Variants in SORCS1 observed in about 807,000 individuals in gnomAD.
SORCS1 encodes sortilin related VPS10 domain containing receptor 1, also known as VPS10 domain-containing receptor SorCS1.
A neutral mutation model predicts 146.1 loss-of-function variants in SORCS1; 60 were observed. The observed-to-expected ratio is 0.41, with a 90% CI of 0.33 to 0.51. The LOEUF (loss-of-function observed/expected upper bound fraction) is 0.51. SORCS1 is among the 20% of genes least tolerant of loss of function. The pLI is 0.21. For synonymous variants in SORCS1, 637 were observed against 584.0 expected (o/e 1.09, Z -1.31); for missense variants, 1,352 against 1,487.6 (o/e 0.91, Z 1.50).
At chr10:106,870,659 C>A (rs192331700) in intron 2 of SORCS1, among the ~76,000 whole-genome samples, 51 of 152,254 alleles carry the variant, frequency 3.3e-4, no homozygotes, top group Non-Finnish European at 6.2e-4. Context: ...AGCTGGACCC[C>A]TTCCTTAGAC....
At chr10:107,161,767 G>A (rs1969722931) in intron 1 of SORCS1, among the ~76,000 whole-genome samples, 3 of 152,030 alleles carry the variant, frequency 2.0e-5, no homozygotes, top group Admixed American at 1.3e-4. Context: ...GTCCAGATAC[G>A]TAGGACTGGC....
Position 106,722,120 on chromosome 10 carries a change from T to TACACACACACACAC in SORCS1, c.1024+7916_1024+7929dup, listed in dbSNP as rs140882766. On this transcript the variant is annotated intron_variant, in intron 6 of 25. Coordinates refer to ENST00000263054, the MANE Select transcript of SORCS1 (RefSeq NM_052918.5). Reference sequence around the variant, plus strand: ...TGGAGAAATATAGCAAATATATAAATACACACACACACACACACACACACA... The same window carrying TACACACACACACAC: ...TGGAGAAATATAGCAAATATATAAATACACACACACACACACACACACACACACACACACACACA... Among the ~76,000 whole-genome samples the TACACACACACACAC allele has an allele frequency of 4.1e-3, 590 of 144,346 alleles. 2 individuals are homozygous for TACACACACACACAC. Among genetic ancestry groups the TACACACACACACAC allele is most frequent in the African/African-American group, 0.012 (452 of 38,838 alleles). 94.7% of individuals were successfully genotyped at this position (144,346 alleles called of 152,430 possible). A position where few individuals can be genotyped will look rare whatever the true frequency, so the allele number is the denominator to read the frequency against.
Position 107,000,468 on chromosome 10 carries a change from G to A in SORCS1, c.559-43888C>T, listed in dbSNP as rs368833219. 1.1e-4 allele frequency among the ~76,000 whole-genome samples: 17 copies of A among 152,000 alleles called. No individual in the cohort carries two copies. The East Asian group carries it at 2.9e-3, about 26-fold the overall frequency. On this transcript the variant is annotated intron_variant, in intron 1 of 25. Coordinates refer to ENST00000263054, the MANE Select transcript of SORCS1 (RefSeq NM_052918.5). ...AAAAAAAAAAAAAAATTATCTGGGC[G>A]TGGTGGCACGCGCCTGTAGTCCCAG...
intron 1 of SORCS1, among the ~76,000 whole-genome samples, chr10:107,056,411 G>A (rs1305525471): frequency 6.6e-6 from 1 of 152,190 alleles, no homozygotes; most frequent in Non-Finnish European, 1.5e-5. Flanking sequence ...CCATGTGCAA[G>A]ACATAGATAT....
At chr10:107,011,633 T>C (rs1564923618) in intron 1 of SORCS1, among the ~76,000 whole-genome samples, 1 of 152,220 alleles carries the variant, frequency 6.6e-6, no homozygotes, top group Non-Finnish European at 1.5e-5. Context: ...AGTTACCTCT[T>C]GCAAAACTGG....
At chr10:106,941,941 G>A (rs994189600) in intron 2 of SORCS1, among the ~76,000 whole-genome samples, 3 of 152,164 alleles carry the variant, frequency 2.0e-5, no homozygotes, top group Non-Finnish European at 4.4e-5. Flanking sequence ...GGAGAAGGCT[G>A]CTTAGTGTTC....
At chr10:106,730,396 G>C (rs1856510995) in intron 5 of SORCS1, among the ~76,000 whole-genome samples, 1 of 152,194 alleles carries the variant, frequency 6.6e-6, no homozygotes, top group Non-Finnish European at 1.5e-5. Flanking sequence ...CGCATGTTGG[G>C]TGTGTACTCT....
chr10:106,844,647 T>C (rs935275985), intron 2 of SORCS1, among the ~76,000 whole-genome samples: 19 of 150,800 alleles, frequency 1.3e-4, no homozygotes, highest in South Asian at 6.4e-4. Context: ...TAGTTACATA[T>C]GTATACATGT....
At chr10:107,103,288 C>T (rs1200544699) in intron 1 of SORCS1, among the ~76,000 whole-genome samples, 3 of 152,216 alleles carry the variant, frequency 2.0e-5, no homozygotes, top group African/African-American at 7.2e-5. Flanking sequence ...AGAAGCCACG[C>T]TAACCCAGCC....
At chr10:107,053,281 G>A (rs1044641773) in intron 1 of SORCS1, among the ~76,000 whole-genome samples, 1 of 151,970 alleles carries the variant, frequency 6.6e-6, no homozygotes, top group Non-Finnish European at 1.5e-5. Context: ...ATACCTCCGG[G>A]GAAATCCACT....
At chr10:106,744,511 G>C (rs1857580762) in intron 5 of SORCS1, among the ~76,000 whole-genome samples, 1 of 152,138 alleles carries the variant, frequency 6.6e-6, no homozygotes, top group East Asian at 1.9e-4. Context: ...TGTTATAAGA[G>C]GAGATATTGT....
intron 10 of SORCS1, among the ~76,000 whole-genome samples, chr10:106,685,248 C>A (rs821939): frequency 3.3e-5 from 5 of 151,948 alleles, no homozygotes; most frequent in African/African-American, 9.7e-5. Flanking sequence ...GGAGTGCACA[C>A]TCCCAACGTG....
At chr10:106,731,645 T>C (rs991842969) in intron 5 of SORCS1, among the ~76,000 whole-genome samples, 4 of 152,168 alleles carry the variant, frequency 2.6e-5, no homozygotes, top group African/African-American at 7.2e-5. Context: ...AAGGTCCTTA[T>C]CAGAGTTTGT....
At chr10:106,759,958 C>T (rs767492152) in intron 5 of SORCS1, among the ~76,000 whole-genome samples, 2 of 152,132 alleles carry the variant, frequency 1.3e-5, no homozygotes, top group African/African-American at 2.4e-5. Flanking sequence ...TGCACAGCTA[C>T]CATTTATGTA....
intron 2 of SORCS1, among the ~76,000 whole-genome samples, chr10:106,912,873 G>T (rs995730387): frequency 6.6e-6 from 1 of 151,946 alleles, no homozygotes; most frequent in African/African-American, 2.4e-5. Flanking sequence ...TAGAGATGGG[G>T]GTTTCACCAT....
At chr10:106,648,948 A>T (rs148916867) in intron 18 of SORCS1, among the ~76,000 whole-genome samples, 176 of 152,214 alleles carry the variant, frequency 1.2e-3, no homozygotes, top group African/African-American at 3.8e-3. Flanking sequence ...AGGCACCAGC[A>T]TGCCAGCAGG....
intron 1 of SORCS1, among the ~76,000 whole-genome samples, chr10:107,008,612 G>A (rs1957552510): frequency 6.6e-6 from 1 of 152,198 alleles, no homozygotes; most frequent in South Asian, 2.1e-4. Context: ...GTATTTCAGA[G>A]ATGGAGCTAA....
In SORCS1 at chr10:106,647,770, GACT is replaced by G. The variant is rs567944291; in HGVS notation, c.2475+4609_2475+4611del. On this transcript the variant is annotated intron_variant, in intron 18 of 25. Transcript: ENST00000263054. ...TTTTCACAATGTTGGTTTAGATAAA[GACT>G]TCTTAAGCCTGACAAAAAGCACTGA... Among the ~76,000 whole-genome samples, 495 of 152,282 alleles carry G rather than the reference GACT, an allele frequency of 3.3e-3. 3 individuals carry two copies. Among genetic ancestry groups the G allele is most frequent in the Non-Finnish European group, 4.2e-3 (285 of 68,004 alleles).
intron 3 of SORCS1, among the ~76,000 whole-genome samples, chr10:106,816,588 G>T (rs1450723959): frequency 1.3e-5 from 2 of 152,012 alleles, no homozygotes; most frequent in African/African-American, 2.4e-5. Flanking sequence ...AATCCTACAG[G>T]CAACTTCCCA....
Sources: allele counts gnomAD v4.1 joint callset (sites outside exome capture counted in the v4.1 genomes callset), GRCh38; gene constraint gnomAD v4.1.1; transcripts MANE v1.5; gene names NCBI Gene and HGNC (gene_info 2026-07-23, HGNC 2026-07-21).